Variants in CCNI observed in about 807,000 individuals in gnomAD.
CCNI encodes the protein cyclin I.
CCNI carries 14 observed loss-of-function variants against 34.1 expected under a neutral mutation model. That is an observed-to-expected ratio of 0.41 (90% CI 0.27 to 0.64). The LOEUF (loss-of-function observed/expected upper bound fraction) is 0.64. Ranked by LOEUF, CCNI falls within the 30% of genes least tolerant of loss-of-function variation. The pLI, the probability that CCNI is intolerant of heterozygous loss-of-function variation, is 0.31. For synonymous variants in CCNI, 154 were observed against 158.4 expected (o/e 0.97, Z 0.21); for missense variants, 385 against 440.5 (o/e 0.87, Z 1.13).
rs984402239 is a variant in CCNI, at chr4:77,075,641, G to A, written c.-213C>T. 7 of 894,280 alleles carry A rather than the reference G, an allele frequency of 7.8e-6. No homozygotes were observed. The African/African-American group carries it at 1.1e-4, about 15-fold the overall frequency. The allele number at this position is 894,280 out of a possible 1,614,324, so 55.4% of individuals were successfully genotyped here. A position where few individuals can be genotyped will look rare whatever the true frequency, so the allele number is the denominator to read the frequency against. On this transcript the variant is annotated 5_prime_UTR_variant, in exon 1 of 7. Transcript: ENST00000237654. The stretch of plus-strand genomic sequence containing the variant: ...GGAGGGAGAAAGGGGAAGCGGATCG[G>A]GGGGCGCGGGCGCGGGCGCTGGCGC...
intron 2 of CCNI, among the ~76,000 whole-genome samples, chr4:77,063,803 G>A (rs1029561650): frequency 6.6e-6 from 1 of 151,956 alleles, no homozygotes; most frequent in South Asian, 2.1e-4. Context: ...ACCAGACCAA[G>A]GCCACCCAAA....
chr4:77,068,247 TA>T (rs915106957), intron 1 of CCNI, among the ~76,000 whole-genome samples: 2 of 152,102 alleles, frequency 1.3e-5, no homozygotes, highest in African/African-American at 4.8e-5. Flanking sequence ...GGTAAGCAAC[TA>T]AAAAGGTAAT....
At chr4:77,067,899 T>C (rs1226994136) in intron 1 of CCNI, among the ~76,000 whole-genome samples, 1 of 149,974 alleles carries the variant, frequency 6.7e-6, no homozygotes, top group African/African-American at 2.4e-5. Context: ...AAAAGGTGGC[T>C]GGGCACGGTG....
chr4:77,060,569 C>T (rs1728536593), intron 2 of CCNI, among the ~76,000 whole-genome samples: 1 of 151,890 alleles, frequency 6.6e-6, no homozygotes, highest in African/African-American at 2.4e-5. Flanking sequence ...GTGATCCTCC[C>T]ACCTCAGCAT....
At chr4:77,073,189 C>T (rs1016293898) in intron 1 of CCNI, among the ~76,000 whole-genome samples, 4 of 152,168 alleles carry the variant, frequency 2.6e-5, no homozygotes, top group African/African-American at 9.7e-5. Flanking sequence ...ATATTCCACA[C>T]ACATCAAACT....
At chr4:77,064,764 C>A (rs1181714712) in intron 2 of CCNI, 2 of 151,854 alleles carry the variant, frequency 1.3e-5, no homozygotes, top group Non-Finnish European at 2.9e-5. Flanking sequence ...ACTGCAACCT[C>A]TGCCTCCTGG....
intron 2 of CCNI, among the ~76,000 whole-genome samples, chr4:77,060,488 T>C (rs929263923): frequency 1.3e-5 from 2 of 152,088 alleles, no homozygotes; most frequent in Admixed American, 6.6e-5. Flanking sequence ...GACAGGGTCT[T>C]GCTCTGTCAC....
chr4:77,067,367 C>G (rs996093358), intron 1 of CCNI, among the ~76,000 whole-genome samples: 2 of 152,288 alleles, frequency 1.3e-5, no homozygotes, highest in East Asian at 3.9e-4. Flanking sequence ...GTAAGTTCTA[C>G]TGAACAGTGC....
intron 3 of CCNI, 128 bp downstream of exon 3, chr4:77,058,379 G>C: frequency 1.6e-6 from 1 of 621,438 alleles, no homozygotes; most frequent in South Asian, 2.2e-5. Context: ...CTTCTTATGG[G>C]TACATACATC....
At position 77,056,304 on chromosome 4, in the gene CCNI, C is replaced by A; in HGVS notation, c.263G>T (p.Ser88Ile). Reference protein sequence around the residue: ...ATVKAHPKYLSCIAISCFFLA... With the variant: ...ATVKAHPKYLICIAISCFFLA... ...GAAAAAACAGCTGATTGCAATACAA[C>A]TCAAGTATTTTGGATGAGCCTAAAA... The change falls in exon 4 of 7, where the codon AGT becomes ATT. Residue 88 changes from serine (S) to isoleucine (I), a missense_variant. Coordinates refer to ENST00000237654, the MANE Select transcript of CCNI (RefSeq NM_006835.3). 1.2e-6 allele frequency: 2 copies of A among 1,613,622 alleles called. No homozygotes were observed. Among genetic ancestry groups the A allele is most frequent in the Non-Finnish European group, 1.7e-6 (2 of 1,179,616 alleles).
chr4:77,055,139 C>T lies in CCNI; in HGVS notation c.690+11G>A. The stretch of plus-strand genomic sequence containing the variant: ...TTAAAAAGAACACTATTTAATTAGA[C>T]TGACACCTACCTGTGCTTTCTGAAG... On this transcript the variant is annotated intron_variant, in intron 6 of 6. Transcript: ENST00000237654. 1.3e-6 allele frequency: 2 copies of T among 1,558,712 alleles called. No individual in the cohort carries two copies. The highest frequency in any genetic ancestry group is 1.8e-6 in the Non-Finnish European group (2 of 1,129,722).
At chr4:77,068,018 A>G (rs1447588004) in intron 1 of CCNI, among the ~76,000 whole-genome samples, 1 of 151,968 alleles carries the variant, frequency 6.6e-6, no homozygotes, top group African/African-American at 2.4e-5. Context: ...TCTCTACTAA[A>G]AATACAAAAC....
rs930186278 is a variant in CCNI at position 77,047,578 on chromosome 4, A to G, written c.*641T>C. ...TAATTACATGCCACTTTTAAGCATCACTTTAAGGTAAACAAAAATGAAAAC... is the reference window on the plus strand; with the variant it reads ...TAATTACATGCCACTTTTAAGCATCGCTTTAAGGTAAACAAAAATGAAAAC... On this transcript the variant is annotated 3_prime_UTR_variant, in exon 7 of 7. Coordinates refer to ENST00000237654, the MANE Select transcript of CCNI (RefSeq NM_006835.3). 6.6e-6 allele frequency: 1 copy of G among 152,234 alleles called. No homozygotes were observed. The highest frequency in any genetic ancestry group is 1.5e-5 in the Non-Finnish European group (1 of 68,040). 9.4% of individuals were successfully genotyped at this position (152,234 alleles called of 1,614,324 possible). A position where few individuals can be genotyped will look rare whatever the true frequency, so the allele number is the denominator to read the frequency against.
chr4:77,060,796 T>C (rs959245882), intron 2 of CCNI, among the ~76,000 whole-genome samples: 2 of 152,162 alleles, frequency 1.3e-5, no homozygotes, highest in Non-Finnish European at 2.9e-5. Flanking sequence ...GGCTAATTTT[T>C]GTATTTTTAG....
rs1007015404 is a variant in CCNI at position 77,075,621 on chromosome 4, G to A, written c.-193C>T. The A allele has an allele frequency of 5.2e-6, 5 of 963,820 alleles. No individual in the cohort carries two copies. Among genetic ancestry groups the A allele is most frequent in the Middle Eastern group, 2.9e-4 (1 of 3,478 alleles). The allele number at this position is 963,820 out of a possible 1,614,324, so 59.7% of individuals were successfully genotyped here. A position where few individuals can be genotyped will look rare whatever the true frequency, so the allele number is the denominator to read the frequency against. ...GGGACGACTCGGCCAACTGAGGAGG[G>A]AGAAAGGGGAAGCGGATCGGGGGGC... On this transcript the variant is annotated 5_prime_UTR_variant, in exon 1 of 7. Coordinates refer to ENST00000237654, the MANE Select transcript of CCNI (RefSeq NM_006835.3).
Position 77,047,917 on chromosome 4 carries a change from GC to G in CCNI, c.*301del, listed in dbSNP as rs4252950. On this transcript the variant is annotated 3_prime_UTR_variant, in exon 7 of 7. Coordinates refer to ENST00000237654, the MANE Select transcript of CCNI (RefSeq NM_006835.3). ...GAATTTTAATTGAATTTTTGACGGGGCAAGCTACGTTACATTATGGCAGAAA... is the reference window on the plus strand; with the variant it reads ...GAATTTTAATTGAATTTTTGACGGGGAAGCTACGTTACATTATGGCAGAAA... 526 of 227,146 alleles carry G rather than the reference GC, an allele frequency of 2.3e-3. 2 individuals are homozygous for G. Among genetic ancestry groups the G allele is most frequent in the African/African-American group, 0.011 (488 of 43,906 alleles). The allele number at this position is 227,146 out of a possible 1,614,324, so 14.1% of individuals were successfully genotyped here.
rs556014653 is a variant in CCNI, at chr4:77,048,568, T to C, written c.785A>G (p.Tyr262Cys). ...SSLPLNSVYV[Y>C]RPLKHTLVTC... is the part of the protein sequence containing the mutation. ...CACCAGGGTGTGCTTGAGGGGACGGTAGACATAAACGGAATTCAGAGGCAG... is the reference window on the plus strand; with the variant it reads ...CACCAGGGTGTGCTTGAGGGGACGGCAGACATAAACGGAATTCAGAGGCAG... Residue 262 changes from tyrosine to cysteine, a missense_variant, in exon 7 of 7, where the codon TAC (tyrosine) becomes TGC (cysteine). Around this residue, in one of 2 missense-constraint regions of CCNI, gnomAD observed 250 missense variants for 248.7 expected, o/e 1.01. Coordinates refer to ENST00000237654, the MANE Select transcript of CCNI (RefSeq NM_006835.3). 13 of 1,612,474 alleles carry C rather than the reference T, an allele frequency of 8.1e-6. No homozygotes were observed. Among genetic ancestry groups the C allele is most frequent in the South Asian group, 4.4e-5 (4 of 90,992 alleles).
chr4:77,055,279 G>A lies in CCNI; in HGVS notation c.561C>T (p.His187=), dbSNP rs1728139277. ...GCAGAAGTTGGTTGCAGGCCATACA[G>A]TGAAGTAGTTGCTTGGTAAGGACTG... The part of the protein sequence containing the change: ...HLAVLTKQLL[H]CMACNQLLQF... The change falls in exon 6 of 7, where the codon CAC becomes CAT. Residue 187 remains histidine, a synonymous_variant. Coordinates refer to ENST00000237654, the MANE Select transcript of CCNI (RefSeq NM_006835.3). 2.5e-6 allele frequency: 4 copies of A among 1,614,132 alleles called. No individual in the cohort carries two copies. The East Asian group carries it at 6.7e-5, about 27-fold the overall frequency.
intron 2 of CCNI, among the ~76,000 whole-genome samples, chr4:77,063,673 G>A (rs1728795502): frequency 6.8e-6 from 1 of 147,662 alleles, no homozygotes; most frequent in East Asian, 2.0e-4. Flanking sequence ...CTGGGCAGCA[G>A]AGCAAGACTC....
Sources: gnomAD v4.1 joint callset for allele counts (sites outside exome capture counted in the v4.1 genomes callset) on GRCh38, gnomAD v4.1.1 for gene constraint, gnomAD v4.1.1 regional missense constraint, MANE v1.5 for transcripts, NCBI Gene and HGNC (gene_info 2026-07-23, HGNC 2026-07-21) for gene names.